Variants in SOS2 observed in about 807,000 individuals in gnomAD.
SOS2 encodes the protein son of sevenless homolog 2.
Under a neutral mutation model 148.2 loss-of-function variants are expected in SOS2, and 65 were observed. The ratio of observed to expected loss-of-function variants is 0.44; its 90% CI spans 0.36 to 0.54. The LOEUF is 0.54. Among genes scored for constraint, SOS2 ranks in the 20% least tolerant of loss-of-function variants. The probability of loss-of-function intolerance (pLI) is 0.00; values close to 1 mark genes in which losing one functional copy is unlikely to be tolerated. For synonymous variants in SOS2, 539 were observed against 537.1 expected (o/e 1.00, Z -0.05); for missense variants, 1,341 against 1,590.2 (o/e 0.84, Z 2.67).
At position 50,118,535 on chromosome 14, in the gene SOS2, C is replaced by T. The variant is rs757528344; in HGVS notation, c.3808G>A (p.Val1270Ile). 1 of 1,614,070 alleles carries T rather than the reference C, an allele frequency of 6.2e-7. No individual in the cohort carries two copies. The highest frequency in any genetic ancestry group is 8.5e-7 in the Non-Finnish European group (1 of 1,179,988). The change falls in exon 23 of 23, where the codon GTA (valine) becomes ATA (isoleucine). Residue 1270 changes from valine (V) to isoleucine (I), a missense_variant. By Grantham distance (29) the Val-to-Ile change is conservative (BLOSUM62 3). This residue lies in a region of SOS2 where 354 missense variants were observed against 347.7 expected (regional missense o/e 1.02). Transcript: ENST00000216373. ...STPPSTPSPR[V>I]PRRCYVLSSS... is the part of the protein sequence containing the mutation. The stretch of plus-strand genomic sequence containing the variant: ...CTGAGCACATAGCATCGACGCGGTA[C>T]CCTTGGAGAGGGTGTGCTAGGAGGA...
intron 1 of SOS2, among the ~76,000 whole-genome samples, chr14:50,217,915 A>C (rs1166355746): frequency 6.6e-6 from 1 of 152,036 alleles, no homozygotes; most frequent in Admixed American, 6.6e-5. Context: ...AGATCGTGCC[A>C]CTGCACTCCA....
chr14:50,195,873 A>G (rs1199968374), intron 4 of SOS2, among the ~76,000 whole-genome samples: 1 of 152,080 alleles, frequency 6.6e-6, no homozygotes, highest in Non-Finnish European at 1.5e-5. Context: ...CTAAAAACAC[A>G]AAAATCAGCC....
intron 1 of SOS2, among the ~76,000 whole-genome samples, chr14:50,219,009 A>T (rs1873700302): frequency 6.6e-6 from 1 of 151,886 alleles, no homozygotes; most frequent in African/African-American, 2.4e-5. Flanking sequence ...GCTTCTCAGG[A>T]GGCTGAGGCA....
chr14:50,197,095 C>T (rs1886334383), intron 4 of SOS2, among the ~76,000 whole-genome samples: 1 of 152,134 alleles, frequency 6.6e-6, no homozygotes, highest in Non-Finnish European at 1.5e-5. Flanking sequence ...TCAAGCGATC[C>T]ACCTGTCTCA....
intron 1 of SOS2, among the ~76,000 whole-genome samples, chr14:50,224,358 CACACACAT>C (rs1208237125): frequency 0.024 from 2,608 of 108,828 alleles, 88 homozygotes; most frequent in Non-Finnish European, 0.036. Context: ...CACACACACA[CACACACAT>C]ATATATAAAT....
chr14:50,150,563 CCTT>C (rs905466986), intron 13 of SOS2, among the ~76,000 whole-genome samples: 11 of 101,754 alleles, frequency 1.1e-4, no homozygotes, highest in African/African-American at 4.0e-4. Context: ...TGATTATTTT[CCTT>C]TTTTTTTTTT....
intron 1 of SOS2, among the ~76,000 whole-genome samples, chr14:50,210,879 G>C (rs1021960236): frequency 3.3e-5 from 5 of 152,066 alleles, no homozygotes; most frequent in Non-Finnish European, 5.9e-5. Context: ...TAAAAATTCT[G>C]ATAATATCAA....
chr14:50,135,071 CAAAAA>C (rs746540364), intron 18 of SOS2, among the ~76,000 whole-genome samples: 9 of 57,526 alleles, frequency 1.6e-4, no homozygotes, highest in Admixed American at 5.6e-4. Context: ...GAGACTGTCT[CAAAAA>C]AAAAAAAAAA....
At position 50,200,909 on chromosome 14, in the gene SOS2, T is replaced by C. The variant is rs200661608; in HGVS notation, c.345+44A>G. ...ATAAATATAGAAATAAAATATTACT[T>C]GTTATAAAGAACACCCCCCAACTAA... On this transcript the variant is annotated intron_variant, in intron 3 of 22. Coordinates refer to ENST00000216373, the MANE Select transcript of SOS2 (RefSeq NM_006939.4). 7.0e-4 allele frequency: 1,098 copies of C among 1,573,388 alleles called. 3 individuals carry two copies. Among genetic ancestry groups the C allele is most frequent in the Non-Finnish European group, 4.8e-4 (546 of 1,146,856 alleles).
chr14:50,160,159 A>C, intron 9 of SOS2, 73 bp from the exon 10 acceptor site: 3 of 1,128,194 alleles, frequency 2.7e-6, no homozygotes, highest in Non-Finnish European at 3.8e-6. Flanking sequence ...ACCATCTCAA[A>C]TCAAGTGAGT....
At chr14:50,171,973 G>GTA (rs74889090) in intron 8 of SOS2, among the ~76,000 whole-genome samples, 30,089 of 151,944 alleles carry the variant, frequency 0.2, 3,209 homozygotes, top group East Asian at 0.48. Flanking sequence ...TTTCTTTAGA[G>GTA]TATATATTCA....
chr14:50,131,480 T>C (rs1274418333), intron 19 of SOS2, among the ~76,000 whole-genome samples: 7 of 152,174 alleles, frequency 4.6e-5, no homozygotes, highest in African/African-American at 1.2e-4. Context: ...TATGCATGAC[T>C]TTCATTTTTT....
chr14:50,217,166 A>C (rs1342350286), intron 1 of SOS2, among the ~76,000 whole-genome samples: 1 of 152,222 alleles, frequency 6.6e-6, no homozygotes, highest in African/African-American at 2.4e-5. Context: ...TATATGGGCA[A>C]CTGATTTTTT....
chr14:50,147,204 A>AAAC lies in SOS2; in HGVS notation c.2385-1611_2385-1609dup, dbSNP rs551631123. Among the ~76,000 whole-genome samples, 109 of 151,904 alleles carry AAAC rather than the reference A, an allele frequency of 7.2e-4. 2 individuals are homozygous for AAAC. The highest frequency in any genetic ancestry group is 6.4e-3 in the East Asian group (33 of 5,168). On this transcript the variant is annotated intron_variant, in intron 14 of 22. Coordinates refer to ENST00000216373, the MANE Select transcript of SOS2 (RefSeq NM_006939.4). ...GAGTGAGACCCCATCTTAAACAAAC[A>AAAC]AACAACAACAACAACAAAAAACCAG...
intron 11 of SOS2, among the ~76,000 whole-genome samples, chr14:50,157,323 A>C (rs1884852753): frequency 6.6e-6 from 1 of 152,118 alleles, no homozygotes; most frequent in Admixed American, 6.6e-5. Context: ...ATAAAAACTA[A>C]AGTTTTGTCT....
At chr14:50,180,791 T>C in intron 6 of SOS2, 109 bp from the exon 7 acceptor site, 1 of 603,268 alleles carries the variant, frequency 1.7e-6, no homozygotes, top group East Asian at 3.1e-5. Flanking sequence ...TACAGTGAGC[T>C]ATGATTGTGC....
chr14:50,189,856 T>TA (rs201588279), intron 4 of SOS2, among the ~76,000 whole-genome samples: 6,467 of 133,434 alleles, frequency 0.048, 455 homozygotes, highest in African/African-American at 0.17. Context: ...TTTTATTTTT[T>TA]TTTTTTTTGT....
At chr14:50,178,623 C>T (rs111287904) in intron 7 of SOS2, among the ~76,000 whole-genome samples, 1 of 149,156 alleles carries the variant, frequency 6.7e-6, no homozygotes, top group African/African-American at 2.5e-5. Context: ...GCTAGAACTA[C>T]AGGTGTGCAC....
At chr14:50,192,922 A>T (rs1886193525) in intron 4 of SOS2, among the ~76,000 whole-genome samples, 1 of 152,026 alleles carries the variant, frequency 6.6e-6, no homozygotes, top group African/African-American at 2.4e-5. Flanking sequence ...AAAATACAGA[A>T]CTCAACTGCT....
Sources: gnomAD v4.1 joint callset for allele counts (sites outside exome capture counted in the v4.1 genomes callset) on GRCh38, gnomAD v4.1.1 for gene constraint, gnomAD v4.1.1 regional missense constraint, MANE v1.5 for transcripts, NCBI Gene and HGNC (gene_info 2026-07-23, HGNC 2026-07-21) for gene names.